Variants in PLEKHA5 observed in about 807,000 individuals in gnomAD.
PLEKHA5 encodes pleckstrin homology domain containing A5, also known as pleckstrin homology domain-containing family A member 5.
A neutral mutation model predicts 181.9 loss-of-function variants in PLEKHA5; 55 were observed. That is an observed-to-expected ratio of 0.30 (90% CI 0.24 to 0.38). The LOEUF (loss-of-function observed/expected upper bound fraction) is 0.38. Ranked by LOEUF, PLEKHA5 falls within the 10% of genes least tolerant of loss-of-function variation. PLEKHA5 has a pLI of 1.00. For synonymous variants in PLEKHA5, 535 were observed against 529.4 expected (o/e 1.01, Z -0.15); for missense variants, 1,432 against 1,549.5 (o/e 0.92, Z 1.27).
intron 5 of PLEKHA5, 80 bp from the exon 6 acceptor site, chr12:19,257,353 G>T: frequency 1.5e-6 from 1 of 665,042 alleles, no homozygotes; most frequent in Non-Finnish European, 2.6e-6. Context: ...TCTGAAAAGA[G>T]ATTAAATTTT....
intron 15 of PLEKHA5, among the ~76,000 whole-genome samples, chr12:19,312,321 A>C (rs2086846684): frequency 6.6e-6 from 1 of 152,210 alleles, no homozygotes. Context: ...TCCTATTTGA[A>C]GCTTTGGAGC....
Position 19,167,351 on chromosome 12 carries a change from T to C in PLEKHA5, c.227+34901T>C, listed in dbSNP as rs73343095. On this transcript the variant is annotated intron_variant, in intron 3 of 31. Transcript: ENST00000429027. Reference sequence around the variant, plus strand: ...AACCTATGCAGGAAGAGGCCTTGATTTTAATGTTGGCATCATACTTGCTAA... The same window carrying C: ...AACCTATGCAGGAAGAGGCCTTGATCTTAATGTTGGCATCATACTTGCTAA... Among the ~76,000 whole-genome samples the C allele has an allele frequency of 4.4e-3, 665 of 151,918 alleles. 8 individuals carry two copies. The highest frequency in any genetic ancestry group is 0.015 in the African/African-American group (639 of 41,382).
chr12:19,213,776 A>G (rs2152224530), intron 3 of PLEKHA5, among the ~76,000 whole-genome samples: 1 of 152,330 alleles, frequency 6.6e-6, no homozygotes, highest in East Asian at 1.9e-4. Context: ...CTGGGATGGC[A>G]GGTAGCGAAT....
chr12:19,287,645 T>C, intron 13 of PLEKHA5, 89 bp downstream of exon 13: 1 of 754,084 alleles, frequency 1.3e-6, no homozygotes, highest in Non-Finnish European at 2.3e-6. Context: ...AGTTTGAATT[T>C]TCAGAGGTTC....
In PLEKHA5 at chr12:19,155,890, G is replaced by T. The variant is rs373748958; in HGVS notation, c.227+23440G>T. On this transcript the variant is annotated intron_variant, in intron 3 of 31. Transcript: ENST00000429027. Reference sequence around the variant, plus strand: ...CTGACTCTGAAAATAACTCATCTGTGGTTGAACATCTTTTTCTTCAGAGAC... The same window carrying T: ...CTGACTCTGAAAATAACTCATCTGTTGTTGAACATCTTTTTCTTCAGAGAC... Among the ~76,000 whole-genome samples, 32 of 152,216 alleles carry T rather than the reference G, an allele frequency of 2.1e-4. 1 individual carries two copies. The highest frequency in any genetic ancestry group is 7.2e-4 in the African/African-American group (30 of 41,534).
At chr12:19,197,764 T>A (rs2053254992) in intron 3 of PLEKHA5, among the ~76,000 whole-genome samples, 1 of 150,500 alleles carries the variant, frequency 6.6e-6, no homozygotes, top group Non-Finnish European at 1.5e-5. Flanking sequence ...CCAAGGCTCT[T>A]TTTACACCGT....
intron 3 of PLEKHA5, among the ~76,000 whole-genome samples, chr12:19,246,160 A>G (rs1318612852): frequency 6.6e-6 from 1 of 151,252 alleles, no homozygotes; most frequent in Non-Finnish European, 1.5e-5. Context: ...TTGTATTTTT[A>G]GTAGAGACGG....
chr12:19,190,081 T>C (rs775613814), intron 3 of PLEKHA5, among the ~76,000 whole-genome samples: 1 of 152,236 alleles, frequency 6.6e-6, no homozygotes, highest in Non-Finnish European at 1.5e-5. Flanking sequence ...ATTATTCAGC[T>C]GAGTCTTACT....
At chr12:19,244,592 A>G (rs2063301648) in intron 3 of PLEKHA5, among the ~76,000 whole-genome samples, 2 of 152,166 alleles carry the variant, frequency 1.3e-5, no homozygotes, top group South Asian at 2.1e-4. Flanking sequence ...ATGCTATTCT[A>G]TTTTTCTTAA....
chr12:19,296,845 T>C (rs1450511088), intron 15 of PLEKHA5, among the ~76,000 whole-genome samples: 1 of 152,192 alleles, frequency 6.6e-6, no homozygotes, highest in Non-Finnish European at 1.5e-5. Flanking sequence ...GAAAGGAGTA[T>C]TAATAGGAAT....
chr12:19,348,334 G>A (rs1330027672), intron 24 of PLEKHA5, 65 bp from the exon 25 acceptor site: 2 of 1,226,900 alleles, frequency 1.6e-6, no homozygotes, highest in African/African-American at 3.1e-5. Context: ...TGTGTCTTTA[G>A]CAGTAAACAT....
intron 3 of PLEKHA5, among the ~76,000 whole-genome samples, chr12:19,231,499 G>C (rs1239588130): frequency 4.9e-5 from 3 of 60,676 alleles, no homozygotes; most frequent in African/African-American, 1.4e-4. Context: ...TAGGACCTAG[G>C]TAAGGAAACT....
intron 3 of PLEKHA5, among the ~76,000 whole-genome samples, chr12:19,186,958 A>G (rs1289902524): frequency 6.6e-6 from 1 of 152,182 alleles, no homozygotes; most frequent in Non-Finnish European, 1.5e-5. Flanking sequence ...GTAATTACAA[A>G]GATGTGTGTC....
chr12:19,140,266 G>A (rs1018417935), intron 3 of PLEKHA5, among the ~76,000 whole-genome samples: 2 of 152,182 alleles, frequency 1.3e-5, no homozygotes, highest in Non-Finnish European at 2.9e-5. Context: ...TACTTTTTAA[G>A]TCTACTTTGG....
At chr12:19,181,938 T>C (rs2048698913) in intron 3 of PLEKHA5, among the ~76,000 whole-genome samples, 1 of 152,204 alleles carries the variant, frequency 6.6e-6, no homozygotes, top group Non-Finnish European at 1.5e-5. Context: ...GGATTATGTG[T>C]CTAGATCTGG....
At chr12:19,155,821 T>G (rs972241691) in intron 3 of PLEKHA5, among the ~76,000 whole-genome samples, 6 of 152,154 alleles carry the variant, frequency 3.9e-5, no homozygotes, top group African/African-American at 1.2e-4. Flanking sequence ...GATAATACCT[T>G]ACTGTCCTGA....
chr12:19,182,419 G>T (rs185143555), intron 3 of PLEKHA5, among the ~76,000 whole-genome samples: 2 of 152,288 alleles, frequency 1.3e-5, no homozygotes, highest in African/African-American at 4.8e-5. Flanking sequence ...TTGCAAAGGT[G>T]TTGTATATGG....
chr12:19,263,077 G>A (rs1264178652), intron 7 of PLEKHA5, among the ~76,000 whole-genome samples: 1 of 152,096 alleles, frequency 6.6e-6, no homozygotes, highest in African/African-American at 2.4e-5. Flanking sequence ...TTGGAAAGAA[G>A]TATATGATAT....
chr12:19,176,614 G>GC (rs1184445266), intron 3 of PLEKHA5: 2 of 152,132 alleles, frequency 1.3e-5, no homozygotes, highest in African/African-American at 4.8e-5. Context: ...ACAGAGATTA[G>GC]CAAGTGTTGT....
Sources: allele counts gnomAD v4.1 joint callset (sites outside exome capture counted in the v4.1 genomes callset), GRCh38; gene constraint gnomAD v4.1.1; transcripts MANE v1.5; gene names NCBI Gene and HGNC (gene_info 2026-07-23, HGNC 2026-07-21).